The following CNRIP1 variants were observed in gnomAD, a reference collection of about 807,000 sequenced individuals.
CNRIP1 encodes cannabinoid receptor interacting protein 1.
Under a neutral mutation model 15.2 loss-of-function variants are expected in CNRIP1, and 10 were observed. The observed-to-expected ratio is 0.66, with a 90% CI of 0.41 to 1.12. The LOEUF (loss-of-function observed/expected upper bound fraction) is 1.12. Ranked by LOEUF, CNRIP1 falls within the 50% of genes most tolerant of loss-of-function variation. The probability of loss-of-function intolerance (pLI) is 0.00; values close to 1 mark genes in which losing one functional copy is unlikely to be tolerated. For synonymous variants in CNRIP1, 91 were observed against 83.2 expected (o/e 1.09, Z -0.51); for missense variants, 211 against 214.7 (o/e 0.98, Z 0.11).
chr2:68,314,295 T>C (rs1472098683), intron 2 of CNRIP1, among the ~76,000 whole-genome samples: 1 of 152,096 alleles, frequency 6.6e-6, no homozygotes, highest in Admixed American at 6.5e-5. Flanking sequence ...AGCAAGCAAA[T>C]TTTAAAAATC....
intron 2 of CNRIP1, among the ~76,000 whole-genome samples, chr2:68,312,818 A>G (rs1430140649): frequency 2.0e-5 from 3 of 152,174 alleles, no homozygotes; most frequent in African/African-American, 7.2e-5. Flanking sequence ...TTCCATTTAC[A>G]TTATTCAAAA....
chr2:68,310,997 A>G (rs1038542807), intron 2 of CNRIP1, among the ~76,000 whole-genome samples: 6 of 152,200 alleles, frequency 3.9e-5, no homozygotes, highest in African/African-American at 1.2e-4. Flanking sequence ...TAATCTGAAG[A>G]TCCATTAAAA....
intron 2 of CNRIP1, among the ~76,000 whole-genome samples, chr2:68,296,270 T>C (rs1166741230): frequency 1.3e-5 from 2 of 152,204 alleles, no homozygotes; most frequent in Admixed American, 1.3e-4. Context: ...AAAATTAAAC[T>C]TGGCTAGGTG....
intron 2 of CNRIP1, among the ~76,000 whole-genome samples, chr2:68,304,560 T>C (rs1239431602): frequency 6.6e-6 from 1 of 152,136 alleles, no homozygotes; most frequent in Non-Finnish European, 1.5e-5. Flanking sequence ...CAGCAGCTGA[T>C]TGACAGTTGA....
At chr2:68,290,084 A>G (rs931587781), downstream of CNRIP1, among the ~76,000 whole-genome samples, 1 of 137,820 alleles carries the variant, frequency 7.3e-6, no homozygotes, top group African/African-American at 2.7e-5. Flanking sequence ...GCTGGAGTGC[A>G]GTGGCATGAT....
chr2:68,300,603 C>G (rs1308440887), intron 2 of CNRIP1, among the ~76,000 whole-genome samples: 6 of 151,198 alleles, frequency 4.0e-5, no homozygotes, highest in Non-Finnish European at 8.8e-5. Context: ...GGCATCAGAG[C>G]AAGACTCTGC....
chr2:68,300,616 CAAAAAAA>C (rs1470601740), intron 2 of CNRIP1, among the ~76,000 whole-genome samples: 1 of 144,888 alleles, frequency 6.9e-6, no homozygotes, highest in African/African-American at 2.6e-5. Flanking sequence ...GACTCTGCCT[CAAAAAAA>C]TAAAAAAAGA....
chr2:68,309,461 A>G (rs1157289970), intron 2 of CNRIP1, among the ~76,000 whole-genome samples: 1 of 152,224 alleles, frequency 6.6e-6, no homozygotes, highest in Non-Finnish European at 1.5e-5. Context: ...AAATTGTTTC[A>G]GAGCATAAAC....
At chr2:68,296,198 AT>A (rs570171422) in intron 2 of CNRIP1, among the ~76,000 whole-genome samples, 1 of 152,222 alleles carries the variant, frequency 6.6e-6, no homozygotes, top group Non-Finnish European at 1.5e-5. Flanking sequence ...TACAGTTTTT[AT>A]TTTATATTGT....
At chr2:68,294,804 G>A (rs995264386) in intron 2 of CNRIP1, among the ~76,000 whole-genome samples, 5 of 152,154 alleles carry the variant, frequency 3.3e-5, no homozygotes, top group Non-Finnish European at 5.9e-5. Flanking sequence ...AACCATATTT[G>A]AGTATCTGCT....
downstream of CNRIP1, among the ~76,000 whole-genome samples, chr2:68,290,898 C>T (rs1281392539): frequency 2.0e-5 from 3 of 152,176 alleles, no homozygotes; most frequent in East Asian, 1.9e-4. Flanking sequence ...GTGTTTTAGT[C>T]ATCATCATAA....
At chr2:68,312,433 T>C (rs546588668) in intron 2 of CNRIP1, among the ~76,000 whole-genome samples, 30 of 152,228 alleles carry the variant, frequency 2.0e-4, no homozygotes, top group African/African-American at 7.0e-4. Flanking sequence ...AAAAAAACAT[T>C]CAGTAAACCA....
rs547936209 is a variant in CNRIP1, at chr2:68,308,645, A to G, written c.330+8512T>C. ...GGTATTTAGCATTTTATATAAAATG[A>G]AAAAACACACATAATGATGGTCTGA... On this transcript the variant is annotated intron_variant, in intron 2 of 2. Transcript: ENST00000263655. 5.3e-5 allele frequency among the ~76,000 whole-genome samples: 8 copies of G among 152,346 alleles called. No individual in the cohort carries two copies. The South Asian group carries it at 1.7e-3, about 32-fold the overall frequency.
rs1163689209 is a variant in CNRIP1 at position 68,293,268 on chromosome 2, A to G, written c.*594T>C. ...TTAAAAGAGTTTTAATACGTTATAA[A>G]TACGTACATATTTGTCCTTCTAGTT... On this transcript the variant is annotated 3_prime_UTR_variant, in exon 3 of 3. Coordinates refer to ENST00000263655, the MANE Select transcript of CNRIP1 (RefSeq NM_015463.3). 1.5e-5 allele frequency: 15 copies of G among 985,760 alleles called. No individual in the cohort carries two copies. Among genetic ancestry groups the G allele is most frequent in the Non-Finnish European group, 1.7e-5 (14 of 830,240 alleles). 61.1% of individuals were successfully genotyped at this position (985,760 alleles called of 1,614,324 possible). A position where few individuals can be genotyped will look rare whatever the true frequency, so the allele number is the denominator to read the frequency against.
chr2:68,311,833 T>C (rs1303001382), intron 2 of CNRIP1, among the ~76,000 whole-genome samples: 1 of 144,322 alleles, frequency 6.9e-6, no homozygotes, highest in African/African-American at 2.6e-5. Context: ...AGAGTAGACA[T>C]TATTAGAGAT....
At chr2:68,303,817 C>A (rs1671706687) in intron 2 of CNRIP1, among the ~76,000 whole-genome samples, 1 of 152,200 alleles carries the variant, frequency 6.6e-6, no homozygotes, top group Non-Finnish European at 1.5e-5. Flanking sequence ...TTGCTCACCC[C>A]TGTAATCCCA....
intron 2 of CNRIP1, among the ~76,000 whole-genome samples, chr2:68,287,293 A>G (rs772432744): frequency 3.9e-5 from 6 of 152,138 alleles, no homozygotes; most frequent in Non-Finnish European, 8.8e-5. Context: ...GTAATGAACA[A>G]CCCCAGAATC....
chr2:68,303,065 T>C lies in CNRIP1; in HGVS notation c.331-9039A>G, dbSNP rs531559502. ...GGTTTCACTGTGTTAGCCAGGATGG[T>C]CTCGATCTCCTGACTTCGTGATCCA... On this transcript the variant is annotated intron_variant, in intron 2 of 2. Coordinates refer to ENST00000263655, the MANE Select transcript of CNRIP1 (RefSeq NM_015463.3). Among the ~76,000 whole-genome samples, 7 of 151,304 alleles carry C rather than the reference T, an allele frequency of 4.6e-5. No homozygotes were observed. The South Asian group carries it at 8.5e-4, about 18-fold the overall frequency.
At position 68,293,188 on chromosome 2, in the gene CNRIP1, A is replaced by G; in HGVS notation, c.*674T>C. ...TGTCACTTTAACAATGGTCCACAGC[A>G]ATGCTTTTCCCCCATTTCTACTAGG... On this transcript the variant is annotated 3_prime_UTR_variant, in exon 3 of 3. Coordinates refer to ENST00000263655, the MANE Select transcript of CNRIP1 (RefSeq NM_015463.3). 1 of 985,522 alleles carries G rather than the reference A, an allele frequency of 1.0e-6. No homozygotes were observed. 61.0% of individuals were successfully genotyped at this position (985,522 alleles called of 1,614,324 possible).
Sources: allele counts gnomAD v4.1 joint callset (sites outside exome capture counted in the v4.1 genomes callset), GRCh38; gene constraint gnomAD v4.1.1; transcripts MANE v1.5; gene names NCBI Gene and HGNC (gene_info 2026-07-23, HGNC 2026-07-21).